DCC: variants seen among roughly 807,000 people sequenced by gnomAD.
DCC encodes netrin receptor DCC.
A neutral mutation model predicts 172.5 loss-of-function variants in DCC; 58 were observed. That is an observed-to-expected ratio of 0.34 (90% CI 0.27 to 0.42). The LOEUF (loss-of-function observed/expected upper bound fraction) is 0.42, where lower values mean the gene tolerates loss of function less well. Ranked by LOEUF, DCC falls within the 10% of genes least tolerant of loss-of-function variation. DCC has a pLI of 1.00. For missense variants in DCC, 1,740 were observed against 1,791.0 expected (o/e 0.97, Z 0.51); for synonymous variants, 709 against 644.5 (o/e 1.10, Z -1.52).
chr18:52,815,027 A>G (rs543828113), intron 2 of DCC, among the ~76,000 whole-genome samples: 1 of 152,278 alleles, frequency 6.6e-6, no homozygotes, highest in African/African-American at 2.4e-5. Context: ...ACATTGCAAA[A>G]GTGGGCAACA....
intron 1 of DCC, among the ~76,000 whole-genome samples, chr18:52,403,686 G>A (rs939657742): frequency 7.2e-5 from 11 of 151,974 alleles, no homozygotes; most frequent in African/African-American, 2.4e-4. Flanking sequence ...GAAGGAGGAG[G>A]CAATGCCTTA....
chr18:53,355,357 C>T (rs2057866270), intron 15 of DCC, among the ~76,000 whole-genome samples: 1 of 152,068 alleles, frequency 6.6e-6, no homozygotes, highest in Admixed American at 6.6e-5. Context: ...CTATAAATTA[C>T]CTTGGGCAGT....
At chr18:52,848,824 T>C (rs1324550920) in intron 2 of DCC, among the ~76,000 whole-genome samples, 2 of 152,162 alleles carry the variant, frequency 1.3e-5, no homozygotes, top group African/African-American at 4.8e-5. Context: ...TTCAGTTCCA[T>C]TTATCCATGT....
At chr18:52,914,220 A>T (rs1274213193) in intron 3 of DCC, among the ~76,000 whole-genome samples, 1 of 124,646 alleles carries the variant, frequency 8.0e-6, no homozygotes, top group Non-Finnish European at 1.9e-5. Flanking sequence ...AAATCTAAAA[A>T]TAAAAAAAAA....
chr18:52,905,967 A>G (rs2039875648), intron 2 of DCC, 77 bp from the exon 3 acceptor site: 1 of 1,000,956 alleles, frequency 1.0e-6, no homozygotes, highest in Non-Finnish European at 1.6e-6. Flanking sequence ...TACAAAGAAT[A>G]CAAAGTGATT....
chr18:53,305,475 T>G, intron 12 of DCC, 103 bp from the exon 13 acceptor site: 1 of 939,510 alleles, frequency 1.1e-6, no homozygotes, highest in Non-Finnish European at 1.7e-6. Flanking sequence ...TAACACTTCT[T>G]GCTTCTCTGC....
At chr18:52,383,921 T>C (rs886553649) in intron 1 of DCC, among the ~76,000 whole-genome samples, 2 of 152,136 alleles carry the variant, frequency 1.3e-5, no homozygotes, top group African/African-American at 4.8e-5. Flanking sequence ...TATATGTATG[T>C]AAGCAAACTC....
intron 14 of DCC, among the ~76,000 whole-genome samples, chr18:53,335,322 C>G (rs1013019734): frequency 6.6e-6 from 1 of 152,106 alleles, no homozygotes; most frequent in Non-Finnish European, 1.5e-5. Flanking sequence ...TCACGATTGT[C>G]TTATTTGTTT....
intron 12 of DCC, among the ~76,000 whole-genome samples, chr18:53,267,202 A>G (rs1482404397): frequency 3.9e-5 from 6 of 151,926 alleles, no homozygotes; most frequent in Non-Finnish European, 8.8e-5. Flanking sequence ...ACAGACATAG[A>G]CACAGACACA....
chr18:53,514,925 G>C (rs1432010414), intron 27 of DCC, among the ~76,000 whole-genome samples: 2 of 151,212 alleles, frequency 1.3e-5, no homozygotes, highest in Non-Finnish European at 3.0e-5. Context: ...TAGAAAAAGA[G>C]GGAATCCTCC....
chr18:52,803,971 G>A (rs1448434339), intron 2 of DCC, among the ~76,000 whole-genome samples: 2 of 152,262 alleles, frequency 1.3e-5, no homozygotes, highest in East Asian at 1.9e-4. Flanking sequence ...CAGTCCTTGG[G>A]CACCAGCATG....
chr18:52,502,354 C>A (rs574527657), intron 1 of DCC, among the ~76,000 whole-genome samples: 1 of 152,290 alleles, frequency 6.6e-6, no homozygotes, highest in South Asian at 2.1e-4. Context: ...TTAATTATTT[C>A]TGTTTCCTTG....
intron 5 of DCC, among the ~76,000 whole-genome samples, chr18:52,980,906 C>T (rs775900788): frequency 3.1e-4 from 46 of 149,628 alleles, no homozygotes; most frequent in Non-Finnish European, 2.4e-4. Flanking sequence ...TAATAAGTCA[C>T]AAACCTTCTA....
chr18:53,206,920 T>G (rs1466251581), intron 10 of DCC, among the ~76,000 whole-genome samples: 3 of 152,060 alleles, frequency 2.0e-5, no homozygotes, highest in Non-Finnish European at 4.4e-5. Context: ...TCAAGCCCAG[T>G]CCCAAATTAT....
chr18:52,394,662 T>C (rs1380183450), intron 1 of DCC, among the ~76,000 whole-genome samples: 1 of 152,024 alleles, frequency 6.6e-6, no homozygotes, highest in Non-Finnish European at 1.5e-5. Context: ...GTCAGACCCT[T>C]AGGAGTTATT....
chr18:53,512,616 A>G (rs2046271565), intron 27 of DCC, among the ~76,000 whole-genome samples: 1 of 151,858 alleles, frequency 6.6e-6, no homozygotes, highest in South Asian at 2.1e-4. Context: ...AAGTGCTTAA[A>G]GGAGCTGATG....
intron 1 of DCC, among the ~76,000 whole-genome samples, chr18:52,558,602 G>T (rs541956705): frequency 1.4e-4 from 21 of 152,230 alleles, no homozygotes; most frequent in African/African-American, 4.3e-4. Context: ...TAGAAACTTG[G>T]TGAGGTCAGT....
chr18:52,895,114 G>A (rs1156344671), intron 2 of DCC, among the ~76,000 whole-genome samples: 1 of 152,148 alleles, frequency 6.6e-6, no homozygotes, highest in Non-Finnish European at 1.5e-5. Context: ...GTGATGTGAT[G>A]AAAAACAGAA....
At chr18:53,011,021 C>A (rs1380972056) in intron 5 of DCC, among the ~76,000 whole-genome samples, 1 of 151,096 alleles carries the variant, frequency 6.6e-6, no homozygotes, top group Non-Finnish European at 1.5e-5. Flanking sequence ...ATTACAAATG[C>A]AAATTTAAAT....
Sources: gnomAD v4.1 joint callset for allele counts (sites outside exome capture counted in the v4.1 genomes callset) on GRCh38, gnomAD v4.1.1 for gene constraint, MANE v1.5 for transcripts, NCBI Gene and HGNC (gene_info 2026-07-23, HGNC 2026-07-21) for gene names.